The following TMEM176A variants were observed in gnomAD, a reference collection of about 807,000 sequenced individuals.
TMEM176A encodes the protein hepatocellular carcinoma-associated antigen 112.
TMEM176A carries 20 observed loss-of-function variants against 27.9 expected under a neutral mutation model. The ratio of observed to expected loss-of-function variants is 0.72; its 90% CI spans 0.50 to 1.04. TMEM176A has a LOEUF of 1.04. Ranked by LOEUF, TMEM176A falls within the 50% of genes least tolerant of loss-of-function variation. TMEM176A has a pLI of 0.00. For synonymous variants in TMEM176A, 125 were observed against 118.0 expected (o/e 1.06, Z -0.38); for missense variants, 252 against 289.1 (o/e 0.87, Z 0.93).
intron 2 of TMEM176A, 30 bp downstream of exon 2, chr7:150,801,754 GC>G (rs1402372686): frequency 6.8e-7 from 1 of 1,467,680 alleles, no homozygotes; most frequent in Non-Finnish European, 8.9e-7. Context: ...TCGTCGGGCG[GC>G]GGGAGGAACT....
chr7:150,802,655 A>G, intron 3 of TMEM176A: 1 of 1,042,994 alleles, frequency 9.6e-7, no homozygotes, highest in Non-Finnish European at 1.2e-6. Flanking sequence ...AGAGCGTTCC[A>G]GATAGTATGT....
Position 150,804,861 on chromosome 7 carries a change from G to A in TMEM176A, c.701G>A (p.Gly234Glu). 1 of 1,614,180 alleles carries A rather than the reference G, an allele frequency of 6.2e-7. No homozygotes were observed. The highest frequency in any genetic ancestry group is 8.5e-7 in the Non-Finnish European group (1 of 1,180,036). Residue 234 changes from glycine (G) to glutamate (E), a missense_variant, in exon 7 of 7, where the codon GGA becomes GAA. Transcript: ENST00000004103. Reference protein sequence around the residue: ...RDQKEMLEVSGI With the variant: ...RDQKEMLEVSEI ...CAGAAGGAAATGTTGGAAGTGAGTGGAATCTAGCCATGCCTCTCCTGATTA... is the reference window on the plus strand; with the variant it reads ...CAGAAGGAAATGTTGGAAGTGAGTGAAATCTAGCCATGCCTCTCCTGATTA...
In TMEM176A at chr7:150,804,491, T is replaced by A; in HGVS notation, c.666+19T>A. On this transcript the variant is annotated intron_variant, in intron 6 of 6. Transcript: ENST00000004103. ...CAAAGGGGTGAGTCCCTAAGGTGTG[T>A]GCCTGTGTATTTGGGGCAGTGGAAC... 6.3e-7 allele frequency: 1 copy of A among 1,597,844 alleles called. No individual in the cohort carries two copies. The highest frequency in any genetic ancestry group is 1.7e-4 in the Middle Eastern group (1 of 6,036).
chr7:150,804,982 T>C lies in TMEM176A; in HGVS notation c.*114T>C. The C allele has an allele frequency of 1.7e-6, 2 of 1,164,136 alleles. No individual in the cohort carries two copies. Among genetic ancestry groups the C allele is most frequent in the Non-Finnish European group, 2.6e-6 (2 of 778,166 alleles). 72.1% of individuals were successfully genotyped at this position (1,164,136 alleles called of 1,614,324 possible). On this transcript the variant is annotated 3_prime_UTR_variant, in exon 7 of 7. Transcript: ENST00000004103. ...AGAGGCTCTTCAACAGCCCCAGTTA[T>C]CCTGGCCCCATGACCGTGGCCACAG...
intron 3 of TMEM176A, chr7:150,802,637 G>C: frequency 1.0e-6 from 1 of 956,276 alleles, no homozygotes; most frequent in Non-Finnish European, 1.3e-6. Context: ...CATTGAGATG[G>C]GGAAGGCAGA....
chr7:150,803,557 C>T, intron 4 of TMEM176A, 63 bp from the exon 5 acceptor site: 1 of 1,589,448 alleles, frequency 6.3e-7, no homozygotes, highest in South Asian at 1.2e-5. Context: ...CCCTTTTTTC[C>T]CCCGACTGGA....
chr7:150,801,748 C>T (rs2075079), intron 2 of TMEM176A, 24 bp downstream of exon 2: 2 of 1,478,578 alleles, frequency 1.4e-6, no homozygotes, highest in Non-Finnish European at 1.8e-6. Flanking sequence ...CCTGCCTCGT[C>T]GGGCGGCGGG....
At position 150,801,728 on chromosome 7, in the gene TMEM176A, A is replaced by G; in HGVS notation, c.174+4A>G. ...CCGGCTGCTGGTGGCCTCGTGGGTGAGTGTGACGGCCTGCCTCGTCGGGCG... is the reference window on the plus strand; with the variant it reads ...CCGGCTGCTGGTGGCCTCGTGGGTGGGTGTGACGGCCTGCCTCGTCGGGCG... On this transcript the variant is annotated splice_donor_region_variant and intron_variant, in intron 2 of 6. Coordinates refer to ENST00000004103, the MANE Select transcript of TMEM176A (RefSeq NM_018487.3). 1.3e-6 allele frequency: 2 copies of G among 1,513,908 alleles called. No homozygotes were observed. Among genetic ancestry groups the G allele is most frequent in the Non-Finnish European group, 1.8e-6 (2 of 1,141,244 alleles). The allele number at this position is 1,513,908 out of a possible 1,614,324, so 93.8% of individuals were successfully genotyped here.
At chr7:150,802,862 AC>A (rs1798845507) in intron 3 of TMEM176A, 1 of 988,152 alleles carries the variant, frequency 1.0e-6, no homozygotes, top group Non-Finnish European at 1.2e-6. Context: ...GAGAGTAATT[AC>A]CTTCACCCAG....
intron 2 of TMEM176A, 88 bp from the exon 3 acceptor site, chr7:150,802,127 T>A: frequency 1.1e-6 from 1 of 924,662 alleles, no homozygotes; most frequent in East Asian, 2.4e-5. Flanking sequence ...TCTCTCTACC[T>A]CTCCCTCTCT....
intron 1 of TMEM176A, chr7:150,801,029 C>T: frequency 1.0e-6 from 1 of 979,486 alleles, no homozygotes. Flanking sequence ...GGGGCAGGGG[C>T]GGCGTGAACC....
At chr7:150,801,219 GGGGTGAGGGGTCGA>G (rs1212532130) in intron 1 of TMEM176A, 5 of 229,704 alleles carry the variant, frequency 2.2e-5, no homozygotes. Context: ...CCGGGAGGAG[GGGGTGAGGGGTCGA>G]GGTGTGGGGC....
chr7:150,802,536 G>C (rs969721440), intron 3 of TMEM176A: 4 of 661,206 alleles, frequency 6.0e-6, no homozygotes, highest in South Asian at 2.4e-5. Flanking sequence ...ACCCTTCCCA[G>C]TGCTGTTCCC....
At chr7:150,803,958 C>A in intron 5 of TMEM176A, 126 bp downstream of exon 5, 3 of 812,514 alleles carry the variant, frequency 3.7e-6, no homozygotes, top group Non-Finnish European at 5.8e-6. Flanking sequence ...TGCGTATTGT[C>A]ACCAAAGACA....
At chr7:150,801,771 C>A (rs761804103) in intron 2 of TMEM176A, 47 bp downstream of exon 2, 2 of 1,443,168 alleles carry the variant, frequency 1.4e-6, no homozygotes, top group Non-Finnish European at 1.8e-6. Flanking sequence ...GAACTCCCCA[C>A]CTCCAGCCGC....
Position 150,803,476 on chromosome 7 carries a change from T to C in TMEM176A, c.342+20T>C. On this transcript the variant is annotated intron_variant, in intron 4 of 6. Coordinates refer to ENST00000004103, the MANE Select transcript of TMEM176A (RefSeq NM_018487.3). ...TACTGGGTAAGTTCAGGGAAGGGCA[T>C]GGGAGGGGACCAGGTTCAGGCTGGA... is the stretch of plus-strand genomic sequence containing the variant. The C allele has an allele frequency of 6.3e-7, 1 of 1,585,622 alleles. No homozygotes were observed. Among genetic ancestry groups the C allele is most frequent in the Non-Finnish European group, 8.6e-7 (1 of 1,166,582 alleles).
rs376649866 is a variant in TMEM176A at position 150,804,453 on chromosome 7, G to T, written c.647G>T (p.Arg216Ile). The T allele has an allele frequency of 2.2e-5, 36 of 1,613,980 alleles. No individual in the cohort carries two copies. Among genetic ancestry groups the T allele is most frequent in the Admixed American group, 5.0e-5 (3 of 60,012 alleles). The change falls in exon 6 of 7, where the codon AGA becomes ATA. Residue 216 changes from arginine to isoleucine, a missense_variant. Physicochemically the swap from Arg to Ile is moderately conservative, Grantham distance 97 (BLOSUM62 -3). Coordinates refer to ENST00000004103, the MANE Select transcript of TMEM176A (RefSeq NM_018487.3). ...SLTPLWLYCW[R>I]MFPTKGKRDQ... ...ACCCCTCTGTGGCTGTACTGCTGGA[G>T]AATGTTCCCAACCAAAGGGGTGAGT...
chr7:150,802,994 T>G (rs1431766971), intron 3 of TMEM176A: 1 of 992,972 alleles, frequency 1.0e-6, no homozygotes, highest in Non-Finnish European at 1.2e-6. Flanking sequence ...TATTGGGCAC[T>G]GTTAGGACAG....
chr7:150,801,437 T>G, intron 1 of TMEM176A, 99 bp from the exon 2 acceptor site: 1 of 1,251,578 alleles, frequency 8.0e-7, no homozygotes, highest in Non-Finnish European at 1.1e-6. Flanking sequence ...ATTCATTGGG[T>G]GACTTTGAGC....
Sources: gnomAD v4.1 joint callset for allele counts on GRCh38, gnomAD v4.1.1 for gene constraint, MANE v1.5 for transcripts, NCBI Gene and HGNC (gene_info 2026-07-23, HGNC 2026-07-21) for gene names.